EHHADH: variants seen among roughly 807,000 people sequenced by gnomAD.
The protein encoded by EHHADH is enoyl-CoA hydratase and 3-hydroxyacyl CoA dehydrogenase.
In EHHADH, 48 loss-of-function variants were observed where a neutral mutation model predicts 64.4. The ratio of observed to expected loss-of-function variants is 0.75; its 90% CI spans 0.59 to 0.95. The LOEUF is 0.95. Ranked by LOEUF, EHHADH falls within the 40% of genes least tolerant of loss-of-function variation. The probability of loss-of-function intolerance (pLI) is 0.00; values close to 1 mark genes in which losing one functional copy is unlikely to be tolerated. For synonymous variants in EHHADH, 308 were observed against 326.7 expected, an observed-to-expected ratio of 0.94 and a Z score of 0.62; for missense variants, 854 against 876.6, an observed-to-expected ratio of 0.97 and a Z score of 0.33.
chr3:185,221,337 G>A (rs1442038687), intron 4 of EHHADH, among the ~76,000 whole-genome samples: 4 of 152,050 alleles, frequency 2.6e-5, no homozygotes, highest in Non-Finnish European at 5.9e-5. Flanking sequence ...CCTGTAGTAT[G>A]TTGGATCCTA....
rs796090736 is a variant in EHHADH at position 185,197,799 on chromosome 3, T to TTTTG, written c.911-4316_911-4313dup. On this transcript the variant is annotated intron_variant, in intron 6 of 6. Transcript: ENST00000231887. ...TTTGAGTCCCTGCTTTCAATTCTTT[T>TTTTG]TTTGTTTGTTTGTTTGAGATGGAGT... 3.4e-3 allele frequency among the ~76,000 whole-genome samples: 510 copies of TTTTG among 152,224 alleles called. 5 individuals carry two copies. Among genetic ancestry groups the TTTTG allele is most frequent in the African/African-American group, 0.011 (462 of 41,536 alleles).
chr3:185,217,547 GAA>G lies in EHHADH; in HGVS notation c.568+587_568+588del, dbSNP rs755192275. On this transcript the variant is annotated intron_variant, in intron 5 of 6. Coordinates refer to ENST00000231887, the MANE Select transcript of EHHADH (RefSeq NM_001966.4). The stretch of plus-strand genomic sequence containing the variant: ...GGCAACAGAGCGGGACTCTGTCTCA[GAA>G]AAAAAAAAAAAAAAAAAGAGTTTGG... Among the ~76,000 whole-genome samples the G allele has an allele frequency of 5.6e-3, 492 of 88,096 alleles. 2 individuals carry two copies. The highest frequency in any genetic ancestry group is 0.019 in the African/African-American group (412 of 22,000). 57.8% of individuals were successfully genotyped at this position (88,096 alleles called of 152,430 possible). A position where few individuals can be genotyped will look rare whatever the true frequency, so the allele number is the denominator to read the frequency against.
At chr3:185,224,841 T>G (rs1487468828) in intron 4 of EHHADH, among the ~76,000 whole-genome samples, 1 of 152,214 alleles carries the variant, frequency 6.6e-6, no homozygotes, top group Non-Finnish European at 1.5e-5. Context: ...TCTGACCTTC[T>G]GCTTCCCTCT....
At chr3:185,237,352 G>T (rs1719322795) in intron 2 of EHHADH, among the ~76,000 whole-genome samples, 2 of 151,676 alleles carry the variant, frequency 1.3e-5, no homozygotes, top group Non-Finnish European at 2.9e-5. Flanking sequence ...TATATCTTTT[G>T]TTTCTTTTAC....
chr3:185,193,383 T>A lies in EHHADH; in HGVS notation c.1015A>T (p.Met339Leu), dbSNP rs779566273. Residue 339 changes from methionine (M) to leucine (L), a missense_variant, in exon 7 of 7, where the codon ATG becomes TTG. Met to Leu is a conservative substitution (Grantham distance 15). Transcript: ENST00000231887. Reference sequence around the variant, plus strand: ...TCTTTTTCCAAGACAGAGGTTATCATCTTGTTTGCAGTTGCTAGCTGGTTT... The same window carrying A: ...TCTTTTTCCAAGACAGAGGTTATCAACTTGTTTGCAGTTGCTAGCTGGTTT... ...DKNQLATANK[M>L]ITSVLEKEAS... is the part of the protein sequence containing the mutation. 6.2e-7 allele frequency: 1 copy of A among 1,614,188 alleles called. No homozygotes were observed.
intron 5 of EHHADH, among the ~76,000 whole-genome samples, chr3:185,214,050 T>C (rs749531131): frequency 1.3e-5 from 2 of 152,216 alleles, no homozygotes; most frequent in Non-Finnish European, 2.9e-5. Context: ...GATTCTGAGT[T>C]AATCCTTGGT....
In EHHADH at chr3:185,248,404, C is replaced by T. The variant is rs1719653790; in HGVS notation, c.178+10G>A. The T allele has an allele frequency of 1.9e-6, 3 of 1,597,904 alleles. No individual in the cohort carries two copies. Among genetic ancestry groups the T allele is most frequent in the Non-Finnish European group, 2.6e-6 (3 of 1,165,252 alleles). On this transcript the variant is annotated intron_variant, in intron 2 of 6. Transcript: ENST00000231887. ...CCAGAGATGGTGGGAGAGGGTTAGA[C>T]TTGAGTTACCTGCAGAAAATTTGCC...
Position 185,253,998 on chromosome 3 carries a change from T to A in EHHADH, c.25A>T (p.Asn9Tyr). ...CGGAGGCGGATTAGCGCCAAGGCGTTGTGCAGCCGCGTATACTCGGCCATG... is the reference window on the plus strand; with the variant it reads ...CGGAGGCGGATTAGCGCCAAGGCGTAGTGCAGCCGCGTATACTCGGCCATG... Reference protein sequence around the residue: MAEYTRLHNALALIRLRNP... With the variant: MAEYTRLHYALALIRLRNP... Residue 9 changes from asparagine to tyrosine, a missense_variant, in exon 1 of 7, where the codon AAC (asparagine) becomes TAC (tyrosine). Asn to Tyr is a moderately radical substitution (Grantham distance 143, BLOSUM62 -2). Transcript: ENST00000231887. 6.2e-7 allele frequency: 1 copy of A among 1,613,918 alleles called. No individual in the cohort carries two copies. The highest frequency in any genetic ancestry group is 1.1e-5 in the South Asian group (1 of 91,070).
intron 2 of EHHADH, among the ~76,000 whole-genome samples, chr3:185,241,600 C>A (rs933116413): frequency 6.6e-6 from 1 of 151,922 alleles, no homozygotes; most frequent in African/African-American, 2.4e-5. Context: ...TGTGTATATT[C>A]TTTTGAGAAT....
Position 185,246,082 on chromosome 3 carries a change from C to T in EHHADH, c.178+2332G>A. The T allele has an allele frequency of 2.3e-6, 3 of 1,283,480 alleles. No individual in the cohort carries two copies. The East Asian group carries it at 6.9e-5, about 30-fold the overall frequency. The allele number at this position is 1,283,480 out of a possible 1,614,324, so 79.5% of individuals were successfully genotyped here. A position where few individuals can be genotyped will look rare whatever the true frequency, so the allele number is the denominator to read the frequency against. On this transcript the variant is annotated intron_variant, in intron 2 of 6. Coordinates refer to ENST00000231887, the MANE Select transcript of EHHADH (RefSeq NM_001966.4). Reference sequence around the variant, plus strand: ...CATTCTTCTTTTTCTTCTTTTTATTCCAAGCATAATGTCAAGGTCATCCTC... The same window carrying T: ...CATTCTTCTTTTTCTTCTTTTTATTTCAAGCATAATGTCAAGGTCATCCTC...
intron 6 of EHHADH, among the ~76,000 whole-genome samples, chr3:185,203,885 A>C (rs577668239): frequency 1.3e-5 from 2 of 152,256 alleles, no homozygotes; most frequent in Non-Finnish European, 2.9e-5. Context: ...CACACCTGTA[A>C]TCTCAGAAAT....
chr3:185,235,693 A>G (rs867006275), intron 2 of EHHADH, among the ~76,000 whole-genome samples: 1 of 152,158 alleles, frequency 6.6e-6, no homozygotes, highest in Non-Finnish European at 1.5e-5. Context: ...AAAATCCTTG[A>G]ATCTTTACCA....
At chr3:185,239,557 T>C (rs548604799) in intron 2 of EHHADH, among the ~76,000 whole-genome samples, 9 of 152,316 alleles carry the variant, frequency 5.9e-5, no homozygotes, top group African/African-American at 2.2e-4. Flanking sequence ...TAAATGGGAC[T>C]GAGTTTTTGA....
chr3:185,213,119 C>CAAAAAAAAAAAAAAA lies in EHHADH; in HGVS notation c.568+5002_568+5016dup, dbSNP rs550233979. On this transcript the variant is annotated intron_variant, in intron 5 of 6. Transcript: ENST00000231887. ...TGGGTGAAGAAGCAAGACTCTGTCT[C>CAAAAAAAAAAAAAAA]AAAAAAAAAAAAAAAAAAAAAAAAA... Among the ~76,000 whole-genome samples, 79 of 43,046 alleles carry CAAAAAAAAAAAAAAA rather than the reference C, an allele frequency of 1.8e-3. 12 individuals are homozygous for CAAAAAAAAAAAAAAA. Among genetic ancestry groups the CAAAAAAAAAAAAAAA allele is most frequent in the East Asian group, 0.01 (8 of 784 alleles). 28.2% of individuals were successfully genotyped at this position (43,046 alleles called of 152,430 possible).
At chr3:185,206,406 T>A (rs1031262800) in intron 5 of EHHADH, among the ~76,000 whole-genome samples, 2 of 151,810 alleles carry the variant, frequency 1.3e-5, no homozygotes, top group Admixed American at 1.3e-4. Flanking sequence ...TATAAAAAAA[T>A]TTTCAGGACC....
In EHHADH at chr3:185,207,204, C is replaced by T. The variant is rs148851956; in HGVS notation, c.569-2447G>A. On this transcript the variant is annotated intron_variant, in intron 5 of 6. Transcript: ENST00000231887. The stretch of plus-strand genomic sequence containing the variant: ...ACTCTGGAGGCTGAAGTGGGAGAAT[C>T]GTTTGAGCCTGAGAGGTTGCAGTGA... Among the ~76,000 whole-genome samples the T allele has an allele frequency of 4.2e-4, 63 of 151,384 alleles. 2 individuals carry two copies. The highest frequency in any genetic ancestry group is 1.3e-3 in the African/African-American group (53 of 41,234).
intron 4 of EHHADH, among the ~76,000 whole-genome samples, chr3:185,220,958 T>C (rs1030022179): frequency 2.0e-5 from 3 of 152,248 alleles, no homozygotes; most frequent in Non-Finnish European, 4.4e-5. Context: ...GTTAGCTTTC[T>C]TCTAATTCAC....
At chr3:185,238,748 G>A (rs1007913175) in intron 2 of EHHADH, among the ~76,000 whole-genome samples, 3 of 152,152 alleles carry the variant, frequency 2.0e-5, no homozygotes, top group African/African-American at 7.2e-5. Flanking sequence ...TCTGTAGGTT[G>A]TCTGTTTACT....
At chr3:185,218,565 C>A (rs1018639616) in intron 4 of EHHADH, among the ~76,000 whole-genome samples, 26 of 152,236 alleles carry the variant, frequency 1.7e-4, no homozygotes, top group African/African-American at 5.8e-4. Context: ...ATAACAGATT[C>A]TCTTTATATT....
Sources: allele counts gnomAD v4.1 joint callset (sites outside exome capture counted in the v4.1 genomes callset), GRCh38; gene constraint gnomAD v4.1.1; transcripts MANE v1.5; gene names NCBI Gene and HGNC (gene_info 2026-07-23, HGNC 2026-07-21).